RAB3GAP1: variants seen among roughly 807,000 people sequenced by gnomAD.
RAB3GAP1 encodes RAB3 GTPase activating protein catalytic subunit 1.
In RAB3GAP1, 86 loss-of-function variants were observed where a neutral mutation model predicts 130.7. The observed-to-expected ratio is 0.66, with a 90% CI of 0.55 to 0.79. RAB3GAP1 has a LOEUF of 0.79. Among genes scored for constraint, RAB3GAP1 ranks in the 30% least tolerant of loss-of-function variants. The pLI, the probability that RAB3GAP1 is intolerant of heterozygous loss-of-function variation, is 0.00. For synonymous variants in RAB3GAP1, 367 were observed against 401.7 expected, an observed-to-expected ratio of 0.91 and a Z score of 1.03; for missense variants, 1,029 against 1,169.4, an observed-to-expected ratio of 0.88 and a Z score of 1.75.
chr2:135,069,343 T>A (rs1251768351), intron 3 of RAB3GAP1, among the ~76,000 whole-genome samples: 1 of 152,232 alleles, frequency 6.6e-6, no homozygotes, highest in Non-Finnish European at 1.5e-5. Flanking sequence ...TGGATGGTCT[T>A]GTACCTTTTA....
intron 4 of RAB3GAP1, among the ~76,000 whole-genome samples, chr2:135,093,017 A>G (rs1213039178): frequency 6.6e-6 from 1 of 152,240 alleles, no homozygotes; most frequent in Non-Finnish European, 1.5e-5. Context: ...AATAAAAAGT[A>G]TAGATCTGCT....
intron 5 of RAB3GAP1, among the ~76,000 whole-genome samples, chr2:135,097,001 C>G (rs1236341450): frequency 3.3e-5 from 5 of 151,934 alleles, no homozygotes; most frequent in Admixed American, 2.6e-4. Flanking sequence ...GTAACCTTTC[C>G]ATTTACTTTT....
intron 7 of RAB3GAP1, among the ~76,000 whole-genome samples, chr2:135,119,384 A>G (rs1470746941): frequency 6.6e-6 from 1 of 152,218 alleles, no homozygotes; most frequent in Non-Finnish European, 1.5e-5. Context: ...TGCTGGGATT[A>G]CAGGCGTGAG....
At chr2:135,164,544 G>A in intron 22 of RAB3GAP1, 50 bp from the exon 23 acceptor site, 4 of 1,424,718 alleles carry the variant, frequency 2.8e-6, no homozygotes, top group Non-Finnish European at 4.0e-6. Context: ...ACGCCCAGTG[G>A]CCTGGACAGC....
intron 5 of RAB3GAP1, among the ~76,000 whole-genome samples, chr2:135,105,514 G>A (rs995875380): frequency 3.1e-4 from 47 of 152,242 alleles, no homozygotes; most frequent in East Asian, 5.8e-4. Context: ...GATTGCAGAC[G>A]GAGTCTCGTT....
At position 135,163,076 on chromosome 2, in the gene RAB3GAP1, G is replaced by A. The variant is rs1692515090; in HGVS notation, c.2581G>A (p.Glu861Lys). ...AKFGTEKCEQ[E>K]EEKEDLERFV... ...GTTTGGAACTGAGAAATGTGAACAG[G>A]AGGAGGAAAAGGAAGATCTTGAAAG... Residue 861 changes from glutamate (E) to lysine (K), a missense_variant, in exon 22 of 24, where the codon GAG becomes AAG. Glu to Lys is a moderately conservative substitution (Grantham distance 56, BLOSUM62 1). Transcript: ENST00000264158. 1 of 1,613,462 alleles carries A rather than the reference G, an allele frequency of 6.2e-7. No homozygotes were observed. The highest frequency in any genetic ancestry group is 8.5e-7 in the Non-Finnish European group (1 of 1,179,486).
At chr2:135,119,811 A>G (rs943472930) in intron 7 of RAB3GAP1, among the ~76,000 whole-genome samples, 1 of 151,830 alleles carries the variant, frequency 6.6e-6, no homozygotes, top group East Asian at 1.9e-4. Context: ...AGAGTATTGA[A>G]TCTGCATTTC....
chr2:135,127,757 A>G (rs1691399693), intron 11 of RAB3GAP1, among the ~76,000 whole-genome samples: 1 of 152,172 alleles, frequency 6.6e-6, no homozygotes, highest in African/African-American at 2.4e-5. Flanking sequence ...ACACCTCACA[A>G]GGTTATTTGA....
At position 135,130,106 on chromosome 2, in the gene RAB3GAP1, T is replaced by TA; in HGVS notation, c.1066+21dup. Reference sequence around the variant, plus strand: ...GGCAAAGGTAACCTACATTTTTTTTTAACATTACTTTCAAATGTCTTACTG... The same window carrying TA: ...GGCAAAGGTAACCTACATTTTTTTTTAAACATTACTTTCAAATGTCTTACTG... On this transcript the variant is annotated intron_variant, in intron 12 of 23. Transcript: ENST00000264158. 6.5e-7 allele frequency: 1 copy of TA among 1,548,962 alleles called. No homozygotes were observed. Among genetic ancestry groups the TA allele is most frequent in the Non-Finnish European group, 8.9e-7 (1 of 1,121,294 alleles).
chr2:135,090,278 G>A (rs1192632917), intron 3 of RAB3GAP1, among the ~76,000 whole-genome samples: 1 of 152,140 alleles, frequency 6.6e-6, no homozygotes, highest in South Asian at 2.1e-4. Context: ...GTATAGCCAT[G>A]AAAACATTTT....
At position 135,169,926 on chromosome 2, in the gene RAB3GAP1, G is replaced by T; in HGVS notation, c.*1145G>T. 2 of 292,032 alleles carry T rather than the reference G, an allele frequency of 6.8e-6. No individual in the cohort carries two copies. Among genetic ancestry groups the T allele is most frequent in the Admixed American group, 4.5e-5 (1 of 22,104 alleles). 18.1% of individuals were successfully genotyped at this position (292,032 alleles called of 1,614,324 possible). On this transcript the variant is annotated 3_prime_UTR_variant, in exon 24 of 24. Transcript: ENST00000264158. ...TTATACTGAAGCATAAACCTTGCCT[G>T]TGTAATTTTAAAAAATTAATAGAGC...
chr2:135,065,569 A>T (rs2104833469), intron 3 of RAB3GAP1, among the ~76,000 whole-genome samples: 1 of 152,338 alleles, frequency 6.6e-6, no homozygotes, highest in East Asian at 1.9e-4. Context: ...TAAAAAGTTC[A>T]TCATTATTTG....
intron 22 of RAB3GAP1, among the ~76,000 whole-genome samples, 166 bp downstream of exon 22, chr2:135,163,267 C>T (rs1692522937): frequency 3.3e-5 from 5 of 152,168 alleles, no homozygotes; most frequent in African/African-American, 4.8e-5. Context: ...TGACCTCTCC[C>T]GTATTTCTGA....
At chr2:135,067,718 T>C (rs2104836725) in intron 3 of RAB3GAP1, among the ~76,000 whole-genome samples, 1 of 152,308 alleles carries the variant, frequency 6.6e-6, no homozygotes, top group East Asian at 1.9e-4. Flanking sequence ...TGTTTTTGCC[T>C]TTCTGTCTTA....
Position 135,083,621 on chromosome 2 carries a change from TA to T in RAB3GAP1, c.151-7368del, listed in dbSNP as rs531615771. Among the ~76,000 whole-genome samples the T allele has an allele frequency of 3.2e-4, 49 of 150,846 alleles. No individual in the cohort carries two copies. The South Asian group carries it at 5.8e-3, about 18-fold the overall frequency. Reference sequence around the variant, plus strand: ...GAACTATAGGCATGTACCAACACATTAAAAAAAAATTTTTTTTTTTTTTCGG... The same window carrying T: ...GAACTATAGGCATGTACCAACACATTAAAAAAAATTTTTTTTTTTTTTCGG... On this transcript the variant is annotated intron_variant, in intron 3 of 23. Coordinates refer to ENST00000264158, the MANE Select transcript of RAB3GAP1 (RefSeq NM_012233.3).
downstream of RAB3GAP1, among the ~76,000 whole-genome samples, chr2:135,173,139 A>T (rs1692902987): frequency 6.6e-6 from 1 of 152,094 alleles, no homozygotes. Context: ...CTTATTTTTA[A>T]ACTGCTAAAT....
intron 3 of RAB3GAP1, among the ~76,000 whole-genome samples, chr2:135,067,169 T>C (rs927790882): frequency 6.6e-6 from 1 of 152,228 alleles, no homozygotes; most frequent in African/African-American, 2.4e-5. Flanking sequence ...TTGCATTATC[T>C]CAGAACATTT....
intron 23 of RAB3GAP1, 35 bp from the exon 24 acceptor site, chr2:135,168,510 C>T (rs536045823): frequency 6.4e-6 from 10 of 1,551,746 alleles, no homozygotes; most frequent in Non-Finnish European, 8.9e-6. Flanking sequence ...TAGCATTTGA[C>T]CTGCTTTTGA....
chr2:135,094,423 C>A (rs928451498), intron 5 of RAB3GAP1, among the ~76,000 whole-genome samples: 22 of 152,068 alleles, frequency 1.4e-4, no homozygotes, highest in African/African-American at 4.6e-4. Flanking sequence ...TTTATCTTGA[C>A]ATATACAACA....
Sources: allele counts gnomAD v4.1 joint callset (sites outside exome capture counted in the v4.1 genomes callset), GRCh38; gene constraint gnomAD v4.1.1; transcripts MANE v1.5; gene names NCBI Gene and HGNC (gene_info 2026-07-23, HGNC 2026-07-21).